The following MKNK2 variants were observed in gnomAD, a reference collection of about 807,000 sequenced individuals.
MKNK2 encodes the protein MAPK interacting serine/threonine kinase 2, also known as MAP kinase-interacting serine/threonine-protein kinase 2.
In MKNK2, 54 loss-of-function variants were observed where a neutral mutation model predicts 55.0. The observed-to-expected ratio is 0.98, with a 90% CI of 0.79 to 1.23. MKNK2 has a LOEUF of 1.23. MKNK2 is among the 50% of genes most tolerant of loss of function. The probability of loss-of-function intolerance (pLI) is 0.00; values close to 1 mark genes in which losing one functional copy is unlikely to be tolerated. For missense variants in MKNK2, 685 were observed against 632.1 expected (o/e 1.08, Z -0.90); for synonymous variants, 323 against 256.0 (o/e 1.26, Z -2.50).
Position 2,038,144 on chromosome 19 carries a change from G to A in MKNK2, c.*1469C>T. 1.9e-6 allele frequency: 2 copies of A among 1,053,686 alleles called. No individual in the cohort carries two copies. The highest frequency in any genetic ancestry group is 4.4e-5 in the South Asian group (1 of 22,876). The allele number at this position is 1,053,686 out of a possible 1,614,324, so 65.3% of individuals were successfully genotyped here. ...TGTGACCATCATACGAGATTCAGGAGGGGCAGCAGGGCCAGGCAGACGGTC... is the reference window on the plus strand; with the variant it reads ...TGTGACCATCATACGAGATTCAGGAAGGGCAGCAGGGCCAGGCAGACGGTC... On this transcript the variant is annotated 3_prime_UTR_variant, in exon 14 of 14. Coordinates refer to ENST00000250896, the MANE Select transcript of MKNK2 (RefSeq NM_199054.3).
At chr19:2,049,433 G>A (rs2017066262) in intron 2 of MKNK2, among the ~76,000 whole-genome samples, 1 of 152,198 alleles carries the variant, frequency 6.6e-6, no homozygotes, top group Non-Finnish European at 1.5e-5. Flanking sequence ...CTCACAGCCA[G>A]GACTGCCTGC....
chr19:2,037,718 GC>G lies in MKNK2; in HGVS notation c.*1894del. 6.4e-7 allele frequency: 1 copy of G among 1,555,906 alleles called. No individual in the cohort carries two copies. Among genetic ancestry groups the G allele is most frequent in the East Asian group, 2.3e-5 (1 of 43,782 alleles). On this transcript the variant is annotated 3_prime_UTR_variant, in exon 14 of 14. Coordinates refer to ENST00000250896, the MANE Select transcript of MKNK2 (RefSeq NM_199054.3). ...CCCCAGCGATGGGAGCTGGCCTGGG[GC>G]CCAGGGTCCTCCAGGATCTTCACTC... is the stretch of plus-strand genomic sequence containing the variant.
intron 2 of MKNK2, 86 bp from the exon 3 acceptor site, chr19:2,046,777 T>A: frequency 9.2e-7 from 1 of 1,088,272 alleles, no homozygotes; most frequent in Non-Finnish European, 1.3e-6. Context: ...TGTCGCAGCG[T>A]CCACACTGAC....
At chr19:2,047,327 G>A (rs1255569071) in intron 2 of MKNK2, among the ~76,000 whole-genome samples, 1 of 152,176 alleles carries the variant, frequency 6.6e-6, no homozygotes, top group Non-Finnish European at 1.5e-5. Flanking sequence ...CCACCCCAGA[G>A]AAAGATGGGC....
rs770387310 is a variant in MKNK2 at position 2,038,517 on chromosome 19, C to T, written c.*1096G>A. 1.8e-5 allele frequency: 18 copies of T among 985,380 alleles called. No homozygotes were observed. In the South Asian group the frequency reaches 3.3e-4, roughly 18 times the overall value. 61.0% of individuals were successfully genotyped at this position (985,380 alleles called of 1,614,324 possible). Reference sequence around the variant, plus strand: ...GCAGACCCCCGCATTCCTGGGTGCCCGAAGGGAGGCCGAGGCCGCAGCCGT... The same window carrying T: ...GCAGACCCCCGCATTCCTGGGTGCCTGAAGGGAGGCCGAGGCCGCAGCCGT... On this transcript the variant is annotated 3_prime_UTR_variant, in exon 14 of 14. Transcript: ENST00000250896.
Position 2,042,559 on chromosome 19 carries a change from C to G in MKNK2, c.655-37G>C, listed in dbSNP as rs759894229. The G allele has an allele frequency of 2.1e-5, 33 of 1,577,410 alleles. No individual in the cohort carries two copies. In the East Asian group the frequency reaches 6.2e-4, roughly 30 times the overall value. ...CAAAAGGTCCGTGAGCCTGGGGTCC[C>G]ACGCGGTCCACCCCTCCCGCGGGGC... On this transcript the variant is annotated intron_variant, in intron 9 of 13. Transcript: ENST00000250896.
At chr19:2,043,031 C>G in intron 7 of MKNK2, 93 bp downstream of exon 7, 7 of 1,300,394 alleles carry the variant, frequency 5.4e-6, no homozygotes, top group Middle Eastern at 1.9e-4. Context: ...AGGACACTCA[C>G]CCCACAAGCC....
At chr19:2,046,926 G>A (rs78029818) in intron 2 of MKNK2, among the ~76,000 whole-genome samples, 24,188 of 152,168 alleles carry the variant, frequency 0.16, 2,052 homozygotes, top group Admixed American at 0.18. Flanking sequence ...TCACCTCCTC[G>A]CTGCCCCACA....
intron 5 of MKNK2, among the ~76,000 whole-genome samples, chr19:2,045,006 G>A (rs538806283): frequency 4.4e-4 from 67 of 152,234 alleles, no homozygotes; most frequent in African/African-American, 1.5e-3. Flanking sequence ...CCCATAGAAC[G>A]AAACAACGCT....
In MKNK2 at chr19:2,046,440, G is replaced by A; in HGVS notation, c.168C>T (p.Ile56=). ...PDMPASQPID[I]PDAKKRGKKK... ...TCTTGCCCCTCTTCTTGGCGTCCGG[G>A]ATGTCAATGGGCTGGCTGGCGGGCA... is the stretch of plus-strand genomic sequence containing the variant. The change falls in exon 4 of 14, where the codon ATC becomes ATT. Residue 56 remains isoleucine, a synonymous_variant. Transcript: ENST00000250896. 1 of 1,609,338 alleles carries A rather than the reference G, an allele frequency of 6.2e-7. No individual in the cohort carries two copies. Among genetic ancestry groups the A allele is most frequent in the African/African-American group, 1.3e-5 (1 of 75,008 alleles).
chr19:2,042,612 T>C lies in MKNK2; in HGVS notation c.649A>G (p.Asn217Asp). Residue 217 changes from asparagine to aspartate, a missense_variant, in exon 9 of 14, where the codon AAC becomes GAC. Asn to Asp is a conservative substitution (Grantham distance 23, BLOSUM62 1). Coordinates refer to ENST00000250896, the MANE Select transcript of MKNK2 (RefSeq NM_199054.3). Reference protein sequence around the residue: ...KPENILCEHPNQVSPVKICDF... With the variant: ...KPENILCEHPDQVSPVKICDF... ...CCCTGCCGGAACTGGCCTACCTGGT[T>C]GGGGTGCTCACAGAGGATGTTTTCC... is the stretch of plus-strand genomic sequence containing the variant. The C allele has an allele frequency of 6.4e-7, 1 of 1,566,454 alleles. No individual in the cohort carries two copies. The highest frequency in any genetic ancestry group is 1.3e-5 in the African/African-American group (1 of 74,278).
rs71652796 is a variant in MKNK2, at chr19:2,037,631, GTTTTTT to G, written c.*1976_*1981del. 2.5e-5 allele frequency: 15 copies of G among 591,640 alleles called. No homozygotes were observed. Among genetic ancestry groups the G allele is most frequent in the Non-Finnish European group, 3.4e-5 (14 of 407,814 alleles). The allele number at this position is 591,640 out of a possible 1,614,324, so 36.6% of individuals were successfully genotyped here. On this transcript the variant is annotated 3_prime_UTR_variant, in exon 14 of 14. Coordinates refer to ENST00000250896, the MANE Select transcript of MKNK2 (RefSeq NM_199054.3). ...CCCCCACTTTAAAAAAACTTTTGAGGTTTTTTTTTTTTTTTTGTCTTTTAAAAACAT... is the reference window on the plus strand; with the variant it reads ...CCCCCACTTTAAAAAAACTTTTGAGGTTTTTTTTTTGTCTTTTAAAAACAT...
rs540485640 is a variant in MKNK2 at position 2,042,816 on chromosome 19, C to T, written c.548G>A (p.Ser183Asn). ...GCTGGCCACGTCCTGCACCACCACG[C>T]TGGCCTCCAGCTCGTTGAAGTGCCG... ...KRRHFNELEASVVVQDVASAL... is the reference protein window; with the variant it reads ...KRRHFNELEANVVVQDVASAL... The change falls in exon 8 of 14, where the codon AGC becomes AAC. Residue 183 changes from serine (S) to asparagine (N), a missense_variant. Physicochemically the swap from Ser to Asn is conservative, Grantham distance 46. Transcript: ENST00000250896. 6.3e-7 allele frequency: 1 copy of T among 1,581,224 alleles called. No individual in the cohort carries two copies.
At chr19:2,039,891 AG>A (rs2016838687) in intron 13 of MKNK2, 35 bp from the exon 14 acceptor site, 1 of 1,572,406 alleles carries the variant, frequency 6.4e-7, no homozygotes, top group African/African-American at 1.3e-5. Flanking sequence ...GGTCACCAAG[AG>A]GCACCCCTCA....
chr19:2,041,529 G>A (rs1030516391), intron 11 of MKNK2, among the ~76,000 whole-genome samples: 19 of 152,168 alleles, frequency 1.2e-4, no homozygotes, highest in Non-Finnish European at 8.8e-5. Context: ...AACCCTGTCT[G>A]GGGTTTCCCT....
intron 10 of MKNK2, 59 bp from the exon 11 acceptor site, chr19:2,042,093 C>G (rs1014229096): frequency 2.2e-6 from 3 of 1,391,272 alleles, no homozygotes; most frequent in Non-Finnish European, 2.8e-6. Flanking sequence ...GGGAACCGAG[C>G]CCGGGTAACT....
chr19:2,045,723 C>T (rs2016982627), intron 5 of MKNK2, among the ~76,000 whole-genome samples: 1 of 152,204 alleles, frequency 6.6e-6, no homozygotes, highest in African/African-American at 2.4e-5. Context: ...ATCCAACCGG[C>T]CCACAAGGTC....
Position 2,037,875 on chromosome 19 carries a change from C to G in MKNK2, c.*1738G>C. The G allele has an allele frequency of 1.3e-6, 2 of 1,540,536 alleles. No individual in the cohort carries two copies. The highest frequency in any genetic ancestry group is 1.8e-6 in the Non-Finnish European group (2 of 1,135,392). ...ACAAACAAACAAACGCTGCTAGCCA[C>G]TCAGCTTTAGAGACCCGATGGCTAT... On this transcript the variant is annotated 3_prime_UTR_variant, in exon 14 of 14. Coordinates refer to ENST00000250896, the MANE Select transcript of MKNK2 (RefSeq NM_199054.3).
At chr19:2,043,660 A>G (rs1015886735) in intron 5 of MKNK2, 78 bp from the exon 6 acceptor site, 23 of 1,298,536 alleles carry the variant, frequency 1.8e-5, no homozygotes, top group African/African-American at 2.9e-5. Context: ...CTCCACTGCC[A>G]CGGCTGGAAT....
Sources: gnomAD v4.1 joint callset for allele counts (sites outside exome capture counted in the v4.1 genomes callset) on GRCh38, gnomAD v4.1.1 for gene constraint, MANE v1.5 for transcripts, NCBI Gene and HGNC (gene_info 2026-07-23, HGNC 2026-07-21) for gene names.